The following CDH12 variants were observed in gnomAD, a reference collection of about 807,000 sequenced individuals.
CDH12 encodes cadherin-12.
Under a neutral mutation model 74.1 loss-of-function variants are expected in CDH12, and 41 were observed. That is an observed-to-expected ratio of 0.55 (90% confidence interval 0.43 to 0.72). The LOEUF (loss-of-function observed/expected upper bound fraction) is 0.72. Among genes scored for constraint, CDH12 ranks in the 30% least tolerant of loss-of-function variants. CDH12 has a pLI of 0.00. For synonymous variants in CDH12, 399 were observed against 355.0 expected (o/e 1.12, Z -1.39); for missense variants, 945 against 977.2 (o/e 0.97, Z 0.44).
Position 22,590,721 on chromosome 5 carries a change from T to TTA in CDH12, c.-522-85359_-522-85358dup, listed in dbSNP as rs575785809. The stretch of plus-strand genomic sequence containing the variant: ...ATTTGCAGGTTGTTTTCAATAGCAA[T>TTA]TAAACCCTGTTTTAATTTTAGTATG... On this transcript the variant is annotated intron_variant, in intron 1 of 14. Coordinates refer to ENST00000382254, the MANE Select transcript of CDH12 (RefSeq NM_004061.5). Among the ~76,000 whole-genome samples the TTA allele has an allele frequency of 8.9e-3, 1,362 of 152,334 alleles. 8 individuals carry two copies. Among genetic ancestry groups the TTA allele is most frequent in the Non-Finnish European group, 0.016 (1,069 of 68,018 alleles).
At chr5:22,585,616 TG>T (rs1315790649) in intron 1 of CDH12, among the ~76,000 whole-genome samples, 1 of 152,180 alleles carries the variant, frequency 6.6e-6, no homozygotes, top group African/African-American at 2.4e-5. Context: ...TGTCTCTCTG[TG>T]TTCATTTTTG....
At chr5:21,899,883 T>C (rs1753303237) in intron 6 of CDH12, among the ~76,000 whole-genome samples, 1 of 151,998 alleles carries the variant, frequency 6.6e-6, no homozygotes, top group African/African-American at 2.4e-5. Flanking sequence ...CTTACAATAA[T>C]CACTATATAA....
chr5:22,397,978 AG>A, intron 3 of CDH12, among the ~76,000 whole-genome samples: 1 of 152,216 alleles, frequency 6.6e-6, no homozygotes, highest in East Asian at 1.9e-4. Flanking sequence ...TTGGAATTCT[AG>A]CCTCCAGGAT....
chr5:22,331,963 C>T (rs1739368697), intron 3 of CDH12, among the ~76,000 whole-genome samples: 1 of 151,986 alleles, frequency 6.6e-6, no homozygotes, highest in Non-Finnish European at 1.5e-5. Context: ...AATACACTAT[C>T]AGAGGAGACA....
chr5:22,461,452 C>A (rs1745515375), intron 2 of CDH12, among the ~76,000 whole-genome samples: 1 of 148,478 alleles, frequency 6.7e-6, no homozygotes, highest in Admixed American at 6.7e-5. Context: ...CAATTAAACA[C>A]ATTATGAGTT....
At chr5:22,091,200 T>C (rs1352828422) in intron 4 of CDH12, among the ~76,000 whole-genome samples, 1 of 67,662 alleles carries the variant, frequency 1.5e-5, no homozygotes, top group African/African-American at 1.2e-4. Context: ...TGTGTGTGTA[T>C]ATATATATAT....
chr5:21,754,043 A>C (rs1744246007), intron 14 of CDH12, among the ~76,000 whole-genome samples: 1 of 152,226 alleles, frequency 6.6e-6, no homozygotes, highest in African/African-American at 2.4e-5. Flanking sequence ...TAATTGTTTT[A>C]AATAATTATC....
At chr5:22,674,743 A>G (rs1454524243) in intron 1 of CDH12, among the ~76,000 whole-genome samples, 1 of 152,122 alleles carries the variant, frequency 6.6e-6, no homozygotes, top group Non-Finnish European at 1.5e-5. Flanking sequence ...GGAGATTAGG[A>G]ACTTGTTGGG....
chr5:22,067,477 G>C (rs1332405475), intron 5 of CDH12, among the ~76,000 whole-genome samples: 1 of 152,278 alleles, frequency 6.6e-6, no homozygotes, highest in East Asian at 1.9e-4. Flanking sequence ...CCCATTGACT[G>C]AGTGATGTGA....
rs142971977 is a variant in CDH12 at position 22,658,002 on chromosome 5, C to T, written c.-522-152638G>A. Among the ~76,000 whole-genome samples, 1,196 of 152,148 alleles carry T rather than the reference C, an allele frequency of 7.9e-3. 15 individuals are homozygous for T. Among genetic ancestry groups the T allele is most frequent in the Non-Finnish European group, 0.012 (819 of 67,976 alleles). ...ATGGCTAAGGAGTTAAACAAAGATG[C>T]GGCTTCATTAAATATATTCAAATCT... is the stretch of plus-strand genomic sequence containing the variant. On this transcript the variant is annotated intron_variant, in intron 1 of 14. Transcript: ENST00000382254.
At chr5:22,303,455 A>G (rs1007964473) in intron 3 of CDH12, among the ~76,000 whole-genome samples, 3 of 152,158 alleles carry the variant, frequency 2.0e-5, no homozygotes, top group African/African-American at 7.2e-5. Flanking sequence ...AAATTATAAT[A>G]CACAAGCTGC....
intron 5 of CDH12, among the ~76,000 whole-genome samples, chr5:22,018,799 C>T (rs969537198): frequency 6.6e-5 from 10 of 152,126 alleles, no homozygotes; most frequent in South Asian, 2.1e-4. Flanking sequence ...TGGCCAGGCA[C>T]GGTGGCTCAT....
At chr5:22,327,428 CTGTG>C (rs71609761) in intron 3 of CDH12, among the ~76,000 whole-genome samples, 4,934 of 103,230 alleles carry the variant, frequency 0.048, 126 homozygotes, top group East Asian at 0.19. Context: ...ATTTGTGCCT[CTGTG>C]TGTGTGTGTG....
intron 4 of CDH12, among the ~76,000 whole-genome samples, chr5:22,119,285 GTTT>G (rs397996987): frequency 0.063 from 6,258 of 98,946 alleles, 109 homozygotes; most frequent in Middle Eastern, 0.14. Context: ...CTTCTACTTC[GTTT>G]TTTTTTTTTT....
intron 1 of CDH12, among the ~76,000 whole-genome samples, chr5:22,703,897 G>GT (rs1742848111): frequency 1.3e-5 from 2 of 152,076 alleles, no homozygotes; most frequent in South Asian, 2.1e-4. Flanking sequence ...TATACATGCT[G>GT]TTTTTTATTA....
chr5:22,626,161 C>G (rs994234648), intron 1 of CDH12, among the ~76,000 whole-genome samples: 1 of 152,188 alleles, frequency 6.6e-6, no homozygotes, highest in East Asian at 1.9e-4. Flanking sequence ...TGTGGGCACT[C>G]TGCCTCACCA....
intron 5 of CDH12, among the ~76,000 whole-genome samples, chr5:22,048,695 A>C (rs903810562): frequency 2.6e-5 from 4 of 152,138 alleles, no homozygotes; most frequent in African/African-American, 9.7e-5. Flanking sequence ...AATGAGTAGG[A>C]AAAAGGGAGA....
chr5:22,045,202 G>A (rs117696434), intron 5 of CDH12, among the ~76,000 whole-genome samples: 1 of 152,092 alleles, frequency 6.6e-6, no homozygotes, highest in South Asian at 2.1e-4. Context: ...GCTTAATATA[G>A]CTAATCATAA....
chr5:22,601,832 T>C (rs1561520828), intron 1 of CDH12, among the ~76,000 whole-genome samples: 1 of 152,074 alleles, frequency 6.6e-6, no homozygotes, highest in Non-Finnish European at 1.5e-5. Flanking sequence ...CACTGCAGTC[T>C]CATTTTCACC....
Sources: allele counts gnomAD v4.1 joint callset (sites outside exome capture counted in the v4.1 genomes callset), GRCh38; gene constraint gnomAD v4.1.1; transcripts MANE v1.5; gene names NCBI Gene and HGNC (gene_info 2026-07-23, HGNC 2026-07-21).